TMPRSS9: variants seen among roughly 807,000 people sequenced by gnomAD.
The protein encoded by TMPRSS9 is transmembrane serine protease 9, also known as transmembrane protease serine 9.
Under a neutral mutation model 111.4 loss-of-function variants are expected in TMPRSS9, and 113 were observed. The ratio of observed to expected loss-of-function variants is 1.01; its 90% CI spans 0.87 to 1.19. The LOEUF is 1.19. TMPRSS9 is among the 50% of genes most tolerant of loss of function. The pLI is 0.00. For synonymous variants in TMPRSS9, 805 were observed against 659.1 expected (o/e 1.22, Z -3.39); for missense variants, 1,803 against 1,513.1 (o/e 1.19, Z -3.18).
At chr19:2,399,060 T>C (rs1464785029) in exon 4 of TMPRSS9, 2 of 1,613,402 alleles carry the variant, frequency 1.2e-6, no homozygotes, top group East Asian at 2.2e-5. Context: ...AGCTGCACTT[T>C]CTGCTGCGAC....
At chr19:2,395,585 G>A (rs577709098) in intron 1 of TMPRSS9, among the ~76,000 whole-genome samples, 1 of 152,244 alleles carries the variant, frequency 6.6e-6, no homozygotes, top group East Asian at 1.9e-4. Context: ...GGTGGTGCAT[G>A]CCTGTAATCT....
chr19:2,425,555 C>T lies in TMPRSS9; in HGVS notation c.3120+62C>T, dbSNP rs1479015772. The T allele has an allele frequency of 4.1e-6, 6 of 1,455,548 alleles. No homozygotes were observed. In the East Asian group the frequency reaches 1.0e-4, roughly 25 times the overall value. 90.2% of individuals were successfully genotyped at this position (1,455,548 alleles called of 1,614,324 possible). On this transcript the variant is annotated intron_variant, in intron 17 of 17. Coordinates refer to ENST00000648592, the Ensembl canonical transcript of TMPRSS9. ...CCAGCCGCCGGGGAGGGCGGGTTCC[C>T]GCTGCCACGAAGCCCACCATCCGGG...
rs756856206 is a variant in TMPRSS9, at chr19:2,399,242, G to A, written c.514+49G>A. 21 of 1,525,024 alleles carry A rather than the reference G, an allele frequency of 1.4e-5. No homozygotes were observed. In the South Asian group the frequency reaches 2.5e-4, roughly 18 times the overall value. 94.5% of individuals were successfully genotyped at this position (1,525,024 alleles called of 1,614,324 possible). ...ACCCCATCACGAGGAGGCTGGAGTG[G>A]GGCAGGAGCTGCAAGATACATTTTG... On this transcript the variant is annotated intron_variant, in intron 4 of 17. Transcript: ENST00000648592.
At chr19:2,400,354 C>T (rs1264802029) in intron 4 of TMPRSS9, among the ~76,000 whole-genome samples, 1 of 151,874 alleles carries the variant, frequency 6.6e-6, no homozygotes, top group Non-Finnish European at 1.5e-5. Flanking sequence ...CCAGCCTGGC[C>T]AACATGGCGA....
chr19:2,425,077 C>G (rs775530510), exon 16 of TMPRSS9: 1 of 1,575,288 alleles, frequency 6.3e-7, no homozygotes, highest in Non-Finnish European at 8.6e-7. Context: ...AGCTGGAGCG[C>G]GTGGCGCGCA....
At chr19:2,370,478 A>C (rs8102051) in intron 1 of TMPRSS9, among the ~76,000 whole-genome samples, 73,480 of 149,742 alleles carry the variant, frequency 0.49, 20,062 homozygotes, top group African/African-American at 0.74. Context: ...GTTGCAGGCT[A>C]CACCATGCCT....
intron 4 of TMPRSS9, among the ~76,000 whole-genome samples, chr19:2,399,433 G>C (rs1970782687): frequency 6.6e-6 from 1 of 152,142 alleles, no homozygotes; most frequent in African/African-American, 2.4e-5. Context: ...AAAATCAGTT[G>C]GGCGTGGTGG....
At chr19:2,366,842 G>A (rs1970251206) in intron 1 of TMPRSS9, among the ~76,000 whole-genome samples, 1 of 142,148 alleles carries the variant, frequency 7.0e-6, no homozygotes, top group Admixed American at 7.2e-5. Flanking sequence ...GGGCGACAGA[G>A]CGAGACTCCA....
chr19:2,391,609 T>TGC (rs1023885888), intron 1 of TMPRSS9, among the ~76,000 whole-genome samples: 1 of 151,604 alleles, frequency 6.6e-6, no homozygotes, highest in Non-Finnish European at 1.5e-5. Flanking sequence ...TGCGTGTGTG[T>TGC]GTGTGTGTGT....
chr19:2,380,402 C>A (rs926324255), intron 1 of TMPRSS9, among the ~76,000 whole-genome samples: 4 of 151,756 alleles, frequency 2.6e-5, no homozygotes, highest in Non-Finnish European at 4.4e-5. Context: ...TCAAGACCAG[C>A]CTGGCCAACA....
At chr19:2,386,199 C>T (rs947612968), upstream of TMPRSS9, among the ~76,000 whole-genome samples, 2 of 152,124 alleles carry the variant, frequency 1.3e-5, no homozygotes, top group Non-Finnish European at 2.9e-5. Context: ...ATTGTCCTGC[C>T]GCGGCCTCTT....
At chr19:2,425,755 G>A (rs1856002515) in intron 17 of TMPRSS9, 172 bp from the exon 19 acceptor site, 4 of 1,165,118 alleles carry the variant, frequency 3.4e-6, no homozygotes, top group Non-Finnish European at 4.7e-6. Flanking sequence ...CCGGGACCAC[G>A]TGGCGGGTGT....
chr19:2,379,623 T>TTCTTTCTTTCTATCTA (rs1465914789), intron 1 of TMPRSS9, among the ~76,000 whole-genome samples: 1 of 130,150 alleles, frequency 7.7e-6, no homozygotes, highest in African/African-American at 3.1e-5. Context: ...TTCTCTTTCT[T>TTCTTTCTTTCTATCTA]TCTTTCTTTC....
intron 1 of TMPRSS9, among the ~76,000 whole-genome samples, chr19:2,395,518 G>A (rs1970687223): frequency 6.6e-6 from 1 of 152,060 alleles, no homozygotes; most frequent in South Asian, 2.1e-4. Context: ...TCTGAGGTCG[G>A]GAGTTTGAGA....
intron 1 of TMPRSS9, among the ~76,000 whole-genome samples, chr19:2,393,453 T>G (rs1186552816): frequency 6.6e-6 from 1 of 151,970 alleles, no homozygotes; most frequent in Non-Finnish European, 1.5e-5. Context: ...CATCCGAACA[T>G]CAGCAAGAAC....
At chr19:2,364,794 G>A (rs537733867) in intron 1 of TMPRSS9, among the ~76,000 whole-genome samples, 1 of 151,884 alleles carries the variant, frequency 6.6e-6, no homozygotes, top group African/African-American at 2.4e-5. Context: ...GACCATCCTG[G>A]CTAACACGCT....
chr19:2,387,169 C>T (rs1315196952), upstream of TMPRSS9, among the ~76,000 whole-genome samples: 2 of 152,000 alleles, frequency 1.3e-5, no homozygotes, highest in African/African-American at 4.8e-5. Context: ...CCAGCCTGGG[C>T]AACATAACAA....
At chr19:2,393,539 A>C (rs1970643711) in intron 1 of TMPRSS9, among the ~76,000 whole-genome samples, 1 of 152,178 alleles carries the variant, frequency 6.6e-6, no homozygotes, top group Non-Finnish European at 1.5e-5. Flanking sequence ...GAAGTCAGTG[A>C]GACCAAGAAC....
chr19:2,410,425 AAC>A (rs1362983723), intron 9 of TMPRSS9, 31 bp downstream of exon 10: 2 of 1,611,460 alleles, frequency 1.2e-6, no homozygotes, highest in East Asian at 2.2e-5. Context: ...ACCCCAGAAA[AAC>A]ACAGAAATAG....
Sources: gnomAD v4.1 joint callset for allele counts (sites outside exome capture counted in the v4.1 genomes callset) on GRCh38, gnomAD v4.1.1 for gene constraint, MANE v1.5 for transcripts, NCBI Gene and HGNC (gene_info 2026-07-23, HGNC 2026-07-21) for gene names.